The following SYN2 variants were observed in gnomAD, a reference collection of about 807,000 sequenced individuals.
The protein encoded by SYN2 is synapsin II, also known as synapsin-2.
A neutral mutation model predicts 50.9 loss-of-function variants in SYN2; 19 were observed. The ratio of observed to expected loss-of-function variants is 0.37; its 90% CI spans 0.26 to 0.55. The LOEUF (loss-of-function observed/expected upper bound fraction) is 0.55. SYN2 is among the 20% of genes least tolerant of loss of function. The pLI, the probability that SYN2 is intolerant of heterozygous loss-of-function variation, is 0.81. For synonymous variants in SYN2, 255 were observed against 224.9 expected (o/e 1.13, Z -1.20); for missense variants, 587 against 576.4 (o/e 1.02, Z -0.19).
At chr3:12,061,042 C>G (rs1638970068) in intron 1 of SYN2, among the ~76,000 whole-genome samples, 1 of 152,056 alleles carries the variant, frequency 6.6e-6, no homozygotes, top group South Asian at 2.1e-4. Flanking sequence ...GAGATGGAAA[C>G]TGTAGGAATG....
chr3:12,091,834 A>G (rs538629742), intron 1 of SYN2, among the ~76,000 whole-genome samples: 12 of 152,180 alleles, frequency 7.9e-5, no homozygotes, highest in African/African-American at 2.7e-4. Context: ...TAAGCAGCCT[A>G]TGTACAACTG....
chr3:12,168,846 A>G lies in SYN2; in HGVS notation c.1158+368A>G, dbSNP rs1325596175. Among the ~76,000 whole-genome samples, 67 of 53,504 alleles carry G rather than the reference A, an allele frequency of 1.3e-3. 1 individual carries two copies. 35.1% of individuals were successfully genotyped at this position (53,504 alleles called of 152,430 possible). A position where few individuals can be genotyped will look rare whatever the true frequency, so the allele number is the denominator to read the frequency against. On this transcript the variant is annotated intron_variant, in intron 9 of 12. Coordinates refer to ENST00000621198, the MANE Select transcript of SYN2 (RefSeq NM_133625.6). Reference sequence around the variant, plus strand: ...AATCAGTGTCTCAGCTGGGCACCAGATGCAGGAGATTTCTTCTTAGTGTCT... The same window carrying G: ...AATCAGTGTCTCAGCTGGGCACCAGGTGCAGGAGATTTCTTCTTAGTGTCT...
rs768992260 is a variant in SYN2, at chr3:12,187,505, C to T, written c.1506C>T (p.Gly502=). ...CCTCCTCGGCTCCTCAGCGGCCGGG[C>T]GGCCCCACCACCCACGGAGATGCAC... ...SSSSSAPQRP[G]GPTTHGDAPS... Residue 502 remains glycine (G), a synonymous_variant, in exon 12 of 13, where the codon GGC becomes GGT. Transcript: ENST00000621198. 55 of 1,553,404 alleles carry T rather than the reference C, an allele frequency of 3.5e-5. No homozygotes were observed. The highest frequency in any genetic ancestry group is 2.2e-4 in the Admixed American group (11 of 51,116).
At chr3:12,081,210 T>G (rs771859020) in intron 1 of SYN2, among the ~76,000 whole-genome samples, 2 of 152,214 alleles carry the variant, frequency 1.3e-5, no homozygotes, top group Non-Finnish European at 2.9e-5. Context: ...CTTTTATTTA[T>G]GCATGCACTA....
intron 1 of SYN2, among the ~76,000 whole-genome samples, chr3:12,093,908 G>C (rs570698405): frequency 6.7e-6 from 1 of 148,730 alleles, no homozygotes; most frequent in East Asian, 2.0e-4. Flanking sequence ...CCAGGCTAGA[G>C]TGCAGTGGCA....
chr3:12,188,817 TTCCTGCC>T (rs1221337191), intron 12 of SYN2, among the ~76,000 whole-genome samples: 1 of 152,144 alleles, frequency 6.6e-6, no homozygotes, highest in East Asian at 1.9e-4. Flanking sequence ...GCCCAGCTGT[TTCCTGCC>T]TGCTGACTTT....
intron 1 of SYN2, among the ~76,000 whole-genome samples, chr3:12,010,034 A>G (rs1409191484): frequency 1.3e-5 from 2 of 152,150 alleles, no homozygotes; most frequent in Non-Finnish European, 2.9e-5. Context: ...GATAGAGGTT[A>G]TGGTGAGCCG....
intron 1 of SYN2, among the ~76,000 whole-genome samples, chr3:12,044,053 C>G (rs1456602260): frequency 2.0e-5 from 3 of 152,074 alleles, no homozygotes; most frequent in Non-Finnish European, 2.9e-5. Context: ...ATATTACCTA[C>G]CAGAAATTCT....
At chr3:12,134,047 T>G (rs1696843998) in intron 1 of SYN2, among the ~76,000 whole-genome samples, 1 of 152,192 alleles carries the variant, frequency 6.6e-6, no homozygotes, top group African/African-American at 2.4e-5. Flanking sequence ...TGCACGACAT[T>G]GTGAATACCA....
intron 1 of SYN2, among the ~76,000 whole-genome samples, chr3:12,048,660 CCTA>C (rs1476952997): frequency 1.3e-5 from 2 of 152,130 alleles, no homozygotes; most frequent in South Asian, 2.1e-4. Context: ...CTAAGGAGTG[CCTA>C]CTTAGTTAAG....
chr3:12,042,603 G>T (rs1207177271), intron 1 of SYN2, among the ~76,000 whole-genome samples: 2 of 152,174 alleles, frequency 1.3e-5, no homozygotes, highest in African/African-American at 2.4e-5. Flanking sequence ...GTAGTGGGTT[G>T]AATAGTGTTC....
chr3:12,009,349 A>G (rs1693869867), intron 1 of SYN2, among the ~76,000 whole-genome samples: 1 of 151,682 alleles, frequency 6.6e-6, no homozygotes, highest in East Asian at 1.9e-4. Context: ...TTTTTTCCCA[A>G]CTCTACCACA....
At chr3:12,158,780 G>A (rs768349684) in intron 5 of SYN2, 9 of 1,603,982 alleles carry the variant, frequency 5.6e-6, no homozygotes, top group Non-Finnish European at 7.6e-6. Flanking sequence ...GGGGGCCGCA[G>A]CAACGCCAGC....
intron 5 of SYN2, 74 bp downstream of exon 5, chr3:12,151,400 C>CCCTTT: frequency 8.2e-7 from 1 of 1,219,840 alleles, no homozygotes; most frequent in Non-Finnish European, 1.2e-6. Flanking sequence ...TATTGTGGGG[C>CCCTTT]TCTGAAAAGG....
intron 10 of SYN2, among the ~76,000 whole-genome samples, chr3:12,180,749 G>C (rs773710049): frequency 6.6e-6 from 1 of 152,124 alleles, no homozygotes; most frequent in Non-Finnish European, 1.5e-5. Context: ...GACTGCCTCC[G>C]GGAGCTCTTC....
chr3:12,013,636 C>T (rs944880332), intron 1 of SYN2, among the ~76,000 whole-genome samples: 1 of 152,198 alleles, frequency 6.6e-6, no homozygotes, highest in Non-Finnish European at 1.5e-5. Context: ...CCGATGGTCA[C>T]CTATTTCAAG....
chr3:12,026,262 A>G (rs770740889), intron 1 of SYN2, among the ~76,000 whole-genome samples: 9 of 152,200 alleles, frequency 5.9e-5, no homozygotes, highest in Non-Finnish European at 1.3e-4. Context: ...GAATTTGGTT[A>G]AAGCAAATAA....
At chr3:12,086,437 C>A (rs1020321641) in intron 1 of SYN2, among the ~76,000 whole-genome samples, 2 of 152,222 alleles carry the variant, frequency 1.3e-5, no homozygotes, top group Admixed American at 1.3e-4. Flanking sequence ...AGGACAATAT[C>A]TTTGATGAAC....
intron 1 of SYN2, among the ~76,000 whole-genome samples, chr3:12,108,736 T>C (rs918411609): frequency 6.6e-6 from 1 of 151,996 alleles, no homozygotes; most frequent in South Asian, 2.1e-4. Flanking sequence ...ATCTGTACTA[T>C]AGGAATGGGC....
Sources: gnomAD v4.1 joint callset for allele counts (sites outside exome capture counted in the v4.1 genomes callset) on GRCh38, gnomAD v4.1.1 for gene constraint, MANE v1.5 for transcripts, NCBI Gene and HGNC (gene_info 2026-07-23, HGNC 2026-07-21) for gene names.